MRTFA: variants seen among roughly 807,000 people sequenced by gnomAD.
MRTFA encodes the protein myocardin related transcription factor A.
In MRTFA, 20 loss-of-function variants were observed where a neutral mutation model predicts 83.5. That is an observed-to-expected ratio of 0.24 (90% CI 0.17 to 0.35). The LOEUF (loss-of-function observed/expected upper bound fraction) is 0.35, where lower values mean the gene tolerates loss of function less well. Among genes scored for constraint, MRTFA ranks in the 10% least tolerant of loss-of-function variants. The pLI, the probability that MRTFA is intolerant of heterozygous loss-of-function variation, is 1.00. For synonymous variants in MRTFA, 659 were observed against 541.2 expected, an observed-to-expected ratio of 1.22 and a Z score of -3.02; for missense variants, 1,200 against 1,224.7, an observed-to-expected ratio of 0.98 and a Z score of 0.30.
intron 3 of MRTFA, among the ~76,000 whole-genome samples, chr22:40,534,071 A>C (rs1252293316): frequency 1.3e-5 from 2 of 152,232 alleles, no homozygotes; most frequent in Non-Finnish European, 1.5e-5. Context: ...ATTAAACACA[A>C]TCCAAACAAC....
intron 2 of MRTFA, among the ~76,000 whole-genome samples, chr22:40,576,702 T>C (rs1309190876): frequency 6.6e-6 from 1 of 152,174 alleles, no homozygotes; most frequent in African/African-American, 2.4e-5. Flanking sequence ...ATATGTGAAG[T>C]GTATCTTTAA....
At chr22:40,477,281 CAGAGGTTGCAGTGAGCCG>C (rs1329239317) in intron 3 of MRTFA, among the ~76,000 whole-genome samples, 1 of 151,100 alleles carries the variant, frequency 6.6e-6, no homozygotes, top group Non-Finnish European at 1.5e-5. Flanking sequence ...ACCCAGGAGG[CAGAGGTTGCAGTGAGCCG>C]AGATCACGCC....
intron 3 of MRTFA, among the ~76,000 whole-genome samples, chr22:40,468,256 T>C (rs2053841418): frequency 6.7e-6 from 1 of 150,330 alleles, no homozygotes; most frequent in African/African-American, 2.5e-5. Context: ...AGAAGTGGAG[T>C]TCTCAAGCCT....
Position 40,411,918 on chromosome 22 carries a change from A to G in MRTFA, c.2579-11T>C. 1 of 1,479,842 alleles carries G rather than the reference A, an allele frequency of 6.8e-7. No individual in the cohort carries two copies. Among genetic ancestry groups the G allele is most frequent in the Non-Finnish European group, 9.0e-7 (1 of 1,113,774 alleles). 91.7% of individuals were successfully genotyped at this position (1,479,842 alleles called of 1,614,324 possible). A position where few individuals can be genotyped will look rare whatever the true frequency, so the allele number is the denominator to read the frequency against. ...AATCTGCTGAAATTTCTGCCAATCA[A>G]TCAAGAGAGTAAATGGATATCAGAA... On this transcript the variant is annotated splice_polypyrimidine_tract_variant and intron_variant, in intron 14 of 14. Transcript: ENST00000355630.
chr22:40,523,038 T>A (rs1206997175), intron 3 of MRTFA: 1 of 151,960 alleles, frequency 6.6e-6, no homozygotes, highest in Non-Finnish European at 1.5e-5. Context: ...TGTTATCAGG[T>A]CATGTCTAAG....
rs150187597 is a variant in MRTFA at position 40,426,642 on chromosome 22, C to T, written c.602-2261G>A. On this transcript the variant is annotated intron_variant, in intron 7 of 14. Transcript: ENST00000355630. ...TCCCTCTTGTACCTCTGTACCTTTT[C>T]CACTTGGCAAACTCTGACCCAGCCT... 8.3e-4 allele frequency among the ~76,000 whole-genome samples: 126 copies of T among 152,252 alleles called. 2 individuals are homozygous for T. In the East Asian group the frequency reaches 0.023, roughly 28 times the overall value.
chr22:40,625,472 A>C (rs1332515563), intron 1 of MRTFA, among the ~76,000 whole-genome samples: 2 of 151,090 alleles, frequency 1.3e-5, no homozygotes, highest in Non-Finnish European at 3.0e-5. Context: ...TAAATAAATA[A>C]ATAAATAAAT....
At chr22:40,632,289 C>A (rs931688516) in intron 1 of MRTFA, among the ~76,000 whole-genome samples, 3 of 151,988 alleles carry the variant, frequency 2.0e-5, no homozygotes, top group Non-Finnish European at 2.9e-5. Context: ...CATATTACTG[C>A]AATTTTTTTT....
At chr22:40,623,466 C>A (rs1372131649) in intron 1 of MRTFA, among the ~76,000 whole-genome samples, 1 of 142,930 alleles carries the variant, frequency 7.0e-6, no homozygotes, top group Non-Finnish European at 1.5e-5. Flanking sequence ...TGCTATCCCT[C>A]CCCCCTCCCC....
rs1602204780 is a variant in MRTFA at position 40,418,430 on chromosome 22, T to C, written c.2308A>G (p.Thr770Ala). ...CTGTCTGCATTCTTATTGGTCACGG[T>C]GAGGACAAGGTGGGTCCCTGTGGAG... is the stretch of plus-strand genomic sequence containing the variant. The change falls in exon 12 of 15, where the codon ACC becomes GCC. Residue 770 changes from threonine to alanine, a missense_variant. Transcript: ENST00000355630. 1 of 1,613,958 alleles carries C rather than the reference T, an allele frequency of 6.2e-7. No individual in the cohort carries two copies. The highest frequency in any genetic ancestry group is 8.5e-7 in the Non-Finnish European group (1 of 1,179,920).
chr22:40,611,284 T>G (rs916338216), intron 1 of MRTFA, among the ~76,000 whole-genome samples: 3 of 151,956 alleles, frequency 2.0e-5, no homozygotes, highest in African/African-American at 7.3e-5. Context: ...TCACTCAGGC[T>G]GGAGTGCAGT....
chr22:40,459,007 A>G (rs112375848), intron 4 of MRTFA, among the ~76,000 whole-genome samples: 18,764 of 151,142 alleles, frequency 0.12, 1,348 homozygotes, highest in East Asian at 0.24. Flanking sequence ...CCCAGGAGGC[A>G]GAGGCTGCAG....
rs565498053 is a variant in MRTFA, at chr22:40,499,391, G to A, written c.242-36105C>T. Among the ~76,000 whole-genome samples the A allele has an allele frequency of 2.6e-5, 4 of 152,268 alleles. No homozygotes were observed. The South Asian group carries it at 6.2e-4, about 24-fold the overall frequency. ...AGCAGTCTGAACACAAAACTGAGGA[G>A]CAGAGGTGCCAGAGCACACTATGGA... On this transcript the variant is annotated intron_variant, in intron 3 of 14. Transcript: ENST00000355630.
chr22:40,552,239 T>A lies in MRTFA; in HGVS notation c.108A>T (p.Leu36Phe), dbSNP rs768324962. Residue 36 changes from leucine to phenylalanine, a missense_variant, in exon 3 of 15, where the codon TTA (leucine) becomes TTT (phenylalanine). Transcript: ENST00000355630. ...CACTCTGGGGACTGGGTGCCGCAGA[T>A]AAGGACACGAGCACTGGTTCATCAT... The A allele has an allele frequency of 5.0e-6, 2 of 398,898 alleles. No individual in the cohort carries two copies. The highest frequency in any genetic ancestry group is 3.6e-5 in the East Asian group (1 of 28,094). The allele number at this position is 398,898 out of a possible 1,614,324, so 24.7% of individuals were successfully genotyped here. A position where few individuals can be genotyped will look rare whatever the true frequency, so the allele number is the denominator to read the frequency against.
chr22:40,631,508 G>T (rs928919109), intron 1 of MRTFA, among the ~76,000 whole-genome samples: 1 of 152,096 alleles, frequency 6.6e-6, no homozygotes, highest in African/African-American at 2.4e-5. Context: ...CATACACACG[G>T]CCGGCAAGTA....
At chr22:40,425,184 G>A (rs963630026) in intron 7 of MRTFA, among the ~76,000 whole-genome samples, 1 of 152,234 alleles carries the variant, frequency 6.6e-6, no homozygotes, top group Non-Finnish European at 1.5e-5. Context: ...AGGGGAGGAG[G>A]GCGTAGCACA....
intron 1 of MRTFA, among the ~76,000 whole-genome samples, chr22:40,600,473 C>T (rs1031628446): frequency 2.6e-5 from 4 of 152,128 alleles, no homozygotes; most frequent in African/African-American, 9.7e-5. Context: ...TGCTGGCCCA[C>T]ACTTGTAATC....
chr22:40,615,706 T>C lies in MRTFA; in HGVS notation c.-84+20772A>G, dbSNP rs2056441037. ...CTTTTCTTTTTTTTTTTTTTCTCTT[T>C]TGAGACAGGGTTCTGTCACCCAGGC... On this transcript the variant is annotated intron_variant, in intron 1 of 14. Transcript: ENST00000355630. Among the ~76,000 whole-genome samples the C allele has an allele frequency of 2.0e-5, 3 of 151,992 alleles. No homozygotes were observed. The South Asian group carries it at 6.2e-4, about 32-fold the overall frequency.
At chr22:40,579,656 T>C (rs2055916728) in intron 2 of MRTFA, among the ~76,000 whole-genome samples, 2 of 151,992 alleles carry the variant, frequency 1.3e-5, no homozygotes, top group African/African-American at 4.8e-5. Flanking sequence ...GGTCAGGAGT[T>C]CAAGACCATC....
Sources: allele counts gnomAD v4.1 joint callset (sites outside exome capture counted in the v4.1 genomes callset), GRCh38; gene constraint gnomAD v4.1.1; transcripts MANE v1.5; gene names NCBI Gene and HGNC (gene_info 2026-07-23, HGNC 2026-07-21).